ABI1: variants seen among roughly 807,000 people sequenced by gnomAD.
ABI1 encodes Abelson interactor 1.
A neutral mutation model predicts 54.6 loss-of-function variants in ABI1; 14 were observed. That is an observed-to-expected ratio of 0.26 (90% CI 0.17 to 0.40). The LOEUF is 0.40. Ranked by LOEUF, ABI1 falls within the 10% of genes least tolerant of loss-of-function variation. The pLI is 1.00. For synonymous variants in ABI1, 194 were observed against 209.3 expected, an observed-to-expected ratio of 0.93 and a Z score of 0.63; for missense variants, 443 against 598.3, an observed-to-expected ratio of 0.74 and a Z score of 2.71.
At chr10:26,791,758 T>G (rs1296049976) in intron 2 of ABI1, among the ~76,000 whole-genome samples, 2 of 152,150 alleles carry the variant, frequency 1.3e-5, no homozygotes, top group Non-Finnish European at 2.9e-5. Flanking sequence ...AAGAAGAATG[T>G]TTTATTTGAG....
chr10:26,858,537 G>GAAAAA (rs60132421), intron 1 of ABI1, among the ~76,000 whole-genome samples: 1 of 94,240 alleles, frequency 1.1e-5, no homozygotes. Context: ...CACAAAAAAA[G>GAAAAA]AAAAAAAAAA....
At chr10:26,815,426 G>C (rs1390797374) in intron 2 of ABI1, among the ~76,000 whole-genome samples, 2 of 152,106 alleles carry the variant, frequency 1.3e-5, no homozygotes, top group African/African-American at 4.8e-5. Flanking sequence ...TCCAAAGAAT[G>C]AGAATTGAAT....
At chr10:26,803,083 G>C (rs1206913969) in intron 2 of ABI1, among the ~76,000 whole-genome samples, 1 of 152,180 alleles carries the variant, frequency 6.6e-6, no homozygotes, top group Non-Finnish European at 1.5e-5. Context: ...AGACAATTAA[G>C]ACGAAGCCTA....
In ABI1 at chr10:26,748,521, C is replaced by CCA. The variant is rs1564447075; in HGVS notation, c.*47_*48dup. On this transcript the variant is annotated 3_prime_UTR_variant, in exon 11 of 11. Coordinates refer to ENST00000376140, the MANE Select transcript of ABI1 (RefSeq NM_001012750.3). ...GACAGTTCTGTTAACCATAATAGTC[C>CCA]CACAGTATGACTGAGTAATAAGAAT... 5 of 1,390,652 alleles carry CCA rather than the reference C, an allele frequency of 3.6e-6. No homozygotes were observed. The Admixed American group carries it at 9.9e-5, about 28-fold the overall frequency. The allele number at this position is 1,390,652 out of a possible 1,614,324, so 86.1% of individuals were successfully genotyped here.
chr10:26,755,688 G>C lies in ABI1; in HGVS notation c.1051C>G (p.Leu351Val). The change falls in exon 9 of 11, where the codon CTC becomes GTC. Residue 351 changes from leucine to valine, a missense_variant. Leu to Val is a conservative substitution (Grantham distance 32). This residue lies in a region of ABI1 where 394 missense variants were observed against 484.8 expected (regional missense o/e 0.81). Coordinates refer to ENST00000376140, the MANE Select transcript of ABI1 (RefSeq NM_001012750.3). The part of the protein sequence containing the change: ...PMPQLTPQIP[L>V]TGFVARVQEN... ...TGCACCCTGGCCACGAAGCCTGTGA[G>C]AGGTATCTGTGGAGTCAACTGAGGC... The C allele has an allele frequency of 6.2e-7, 1 of 1,613,718 alleles. No individual in the cohort carries two copies.
intron 1 of ABI1, among the ~76,000 whole-genome samples, chr10:26,835,917 C>CT (rs1349594947): frequency 1.3e-5 from 2 of 151,322 alleles, no homozygotes; most frequent in South Asian, 2.1e-4. Context: ...GTCTGGCTAA[C>CT]TTTTTTTGCA....
At chr10:26,778,359 C>T (rs1335786178) in intron 2 of ABI1, among the ~76,000 whole-genome samples, 1 of 152,042 alleles carries the variant, frequency 6.6e-6, no homozygotes, top group African/African-American at 2.4e-5. Context: ...GACATGATCA[C>T]CTCTGCATTT....
chr10:26,755,862 A>G (rs1009976038), intron 8 of ABI1, 121 bp from the exon 9 acceptor site: 6 of 605,652 alleles, frequency 9.9e-6, no homozygotes, highest in Non-Finnish European at 1.6e-5. Context: ...ACAGTTTGCA[A>G]ATGAAACAAA....
At chr10:26,841,841 G>A (rs988594727) in intron 1 of ABI1, among the ~76,000 whole-genome samples, 1 of 152,066 alleles carries the variant, frequency 6.6e-6, no homozygotes, top group African/African-American at 2.4e-5. Flanking sequence ...ATCTATCAGT[G>A]GACATTCAGG....
intron 2 of ABI1, among the ~76,000 whole-genome samples, chr10:26,815,200 G>GC (rs11419791): frequency 0.072 from 10,969 of 151,406 alleles, 409 homozygotes; most frequent in East Asian, 0.14. Context: ...AAGAATAAAT[G>GC]CCCCCCCCAA....
chr10:26,854,614 C>G (rs1443350895), intron 1 of ABI1, among the ~76,000 whole-genome samples: 1 of 152,140 alleles, frequency 6.6e-6, no homozygotes, highest in African/African-American at 2.4e-5. Flanking sequence ...ATAAAATTAT[C>G]TAACCTTCTG....
At chr10:26,827,080 A>AT (rs1404617738) in intron 1 of ABI1, among the ~76,000 whole-genome samples, 2 of 150,948 alleles carry the variant, frequency 1.3e-5, no homozygotes, top group African/African-American at 4.9e-5. Flanking sequence ...TGCCTGCCTA[A>AT]TTTTTTGTAT....
intron 1 of ABI1, among the ~76,000 whole-genome samples, chr10:26,859,513 C>G (rs2051123468): frequency 6.6e-6 from 1 of 152,178 alleles, no homozygotes; most frequent in Non-Finnish European, 1.5e-5. Flanking sequence ...AAGAGCATTC[C>G]TGGTGCCTTT....
At chr10:26,760,113 T>C (rs1207317345) in intron 7 of ABI1, among the ~76,000 whole-genome samples, 3 of 152,016 alleles carry the variant, frequency 2.0e-5, no homozygotes, top group Non-Finnish European at 4.4e-5. Context: ...CATGCTCATA[T>C]ATTTTCATCA....
chr10:26,818,631 C>CAAAAA (rs376157276), intron 2 of ABI1, among the ~76,000 whole-genome samples: 3,896 of 72,844 alleles, frequency 0.053, 108 homozygotes, highest in Non-Finnish European at 0.08. Flanking sequence ...GACCCCGTCA[C>CAAAAA]AAAAAAAAAA....
In ABI1 at chr10:26,755,635, C is replaced by T. The variant is rs776758129; in HGVS notation, c.1084+20G>A. 1.9e-6 allele frequency: 3 copies of T among 1,588,552 alleles called. No individual in the cohort carries two copies. Among genetic ancestry groups the T allele is most frequent in the Admixed American group, 1.7e-5 (1 of 59,864 alleles). On this transcript the variant is annotated intron_variant, in intron 9 of 10. Coordinates refer to ENST00000376140, the MANE Select transcript of ABI1 (RefSeq NM_001012750.3). ...GGAGACAGCCTCTACTCTTCCATAG[C>T]TCAGTTTTTCCAAACTTACTGTTTT...
chr10:26,748,109 A>G lies in ABI1; in HGVS notation c.*461T>C, dbSNP rs939715727. ...AGTATATTTCAATACATAAATTTTTATGCATGCTTTAAACAAACAGTATTT... is the reference window on the plus strand; with the variant it reads ...AGTATATTTCAATACATAAATTTTTGTGCATGCTTTAAACAAACAGTATTT... On this transcript the variant is annotated 3_prime_UTR_variant, in exon 11 of 11. Transcript: ENST00000376140. 11 of 211,732 alleles carry G rather than the reference A, an allele frequency of 5.2e-5. No homozygotes were observed. Among genetic ancestry groups the G allele is most frequent in the Admixed American group, 2.3e-4 (4 of 17,090 alleles). The allele number at this position is 211,732 out of a possible 1,614,324, so 13.1% of individuals were successfully genotyped here.
intron 1 of ABI1, among the ~76,000 whole-genome samples, chr10:26,836,495 T>C (rs1372146694): frequency 2.0e-5 from 3 of 152,214 alleles, no homozygotes; most frequent in African/African-American, 4.8e-5. Context: ...AATTAGTACC[T>C]GTACAAACTA....
At chr10:26,829,927 A>T (rs1027097170) in intron 1 of ABI1, among the ~76,000 whole-genome samples, 2 of 152,208 alleles carry the variant, frequency 1.3e-5, no homozygotes, top group African/African-American at 4.8e-5. Flanking sequence ...GTACAGTAGT[A>T]TAACCACCAT....
Sources: allele counts gnomAD v4.1 joint callset (sites outside exome capture counted in the v4.1 genomes callset), GRCh38; gene constraint gnomAD v4.1.1; regional missense constraint gnomAD v4.1.1; transcripts MANE v1.5; gene names NCBI Gene and HGNC (gene_info 2026-07-23, HGNC 2026-07-21).